The following SNX29 variants were observed in gnomAD, a reference collection of about 807,000 sequenced individuals.
SNX29 encodes the protein sorting nexin 29.
A neutral mutation model predicts 102.1 loss-of-function variants in SNX29; 78 were observed. The ratio of observed to expected loss-of-function variants is 0.76; its 90% CI spans 0.64 to 0.92. SNX29 has a LOEUF of 0.92. Ranked by LOEUF, SNX29 falls within the 40% of genes least tolerant of loss-of-function variation. The pLI is 0.00. For missense variants in SNX29, 1,280 were observed against 1,061.7 expected, an observed-to-expected ratio of 1.21 and a Z score of -2.86; for synonymous variants, 580 against 414.5, an observed-to-expected ratio of 1.40 and a Z score of -4.85.
At chr16:12,235,274 G>A (rs779184726) in intron 14 of SNX29, among the ~76,000 whole-genome samples, 2 of 152,016 alleles carry the variant, frequency 1.3e-5, no homozygotes, top group Non-Finnish European at 2.9e-5. Flanking sequence ...CTTCACCAAC[G>A]TGCCCCAGAG....
At chr16:12,456,755 A>G (rs1313412847) in intron 18 of SNX29, among the ~76,000 whole-genome samples, 1 of 152,042 alleles carries the variant, frequency 6.6e-6, no homozygotes, top group Non-Finnish European at 1.5e-5. Flanking sequence ...GATGTGTGAA[A>G]TTGCCTCCTT....
chr16:12,190,697 G>GT (rs2076620180), intron 13 of SNX29, among the ~76,000 whole-genome samples: 1 of 152,198 alleles, frequency 6.6e-6, no homozygotes, highest in African/African-American at 2.4e-5. Flanking sequence ...AAATCCCAGA[G>GT]TGGAGGTCTG....
intron 15 of SNX29, among the ~76,000 whole-genome samples, chr16:12,306,235 C>G (rs763386702): frequency 6.6e-5 from 10 of 152,074 alleles, no homozygotes; most frequent in Non-Finnish European, 1.2e-4. Flanking sequence ...AGAGTTGCAT[C>G]GAAATTCTGT....
intron 14 of SNX29, among the ~76,000 whole-genome samples, chr16:12,207,109 C>T (rs1421872296): frequency 6.6e-6 from 1 of 152,100 alleles, no homozygotes; most frequent in Non-Finnish European, 1.5e-5. Context: ...TTGCTCACGC[C>T]TGTAATCCCA....
At chr16:12,521,416 C>A (rs2090096282) in intron 19 of SNX29, among the ~76,000 whole-genome samples, 1 of 151,850 alleles carries the variant, frequency 6.6e-6, no homozygotes, top group African/African-American at 2.4e-5. Context: ...GTGAGAGAGG[C>A]AGATTAGACT....
At chr16:12,289,750 A>G (rs1290899441) in intron 15 of SNX29, among the ~76,000 whole-genome samples, 2 of 152,020 alleles carry the variant, frequency 1.3e-5, no homozygotes, top group Non-Finnish European at 2.9e-5. Context: ...GACCCACACT[A>G]TTTTGGGCCT....
chr16:11,980,640 G>C (rs2055394055), intron 1 of SNX29, among the ~76,000 whole-genome samples: 1 of 152,140 alleles, frequency 6.6e-6, no homozygotes, highest in African/African-American at 2.4e-5. Context: ...CAGCATATGA[G>C]GGTTCTGTTT....
chr16:12,170,120 G>A (rs2076111354), intron 13 of SNX29, among the ~76,000 whole-genome samples: 1 of 152,012 alleles, frequency 6.6e-6, no homozygotes, highest in South Asian at 2.1e-4. Flanking sequence ...TCCCTTCCCC[G>A]TTATGAGAAC....
At chr16:12,003,105 G>A (rs1305181257) in intron 3 of SNX29, 62 bp downstream of exon 3, 14 of 1,597,082 alleles carry the variant, frequency 8.8e-6, no homozygotes, top group East Asian at 2.2e-5. Flanking sequence ...GAAGGTGGCC[G>A]GCTTCTAAAA....
At chr16:12,069,417 C>T (rs145771038) in intron 10 of SNX29, among the ~76,000 whole-genome samples, 1 of 152,136 alleles carries the variant, frequency 6.6e-6, no homozygotes, top group African/African-American at 2.4e-5. Context: ...AGGCACACAC[C>T]ACCATGCCTA....
chr16:12,161,695 A>G (rs1399282219), intron 13 of SNX29, among the ~76,000 whole-genome samples: 1 of 152,112 alleles, frequency 6.6e-6, no homozygotes, highest in Admixed American at 6.5e-5. Context: ...CTTGGTCATG[A>G]GTGAGTTCTT....
At chr16:12,332,031 G>A (rs114305330) in intron 15 of SNX29, among the ~76,000 whole-genome samples, 3 of 152,070 alleles carry the variant, frequency 2.0e-5, no homozygotes, top group South Asian at 2.1e-4. Flanking sequence ...CTGCACTGGA[G>A]CCTGGGTGAC....
At chr16:12,457,612 T>C (rs1324470579) in intron 18 of SNX29, among the ~76,000 whole-genome samples, 1 of 152,166 alleles carries the variant, frequency 6.6e-6, no homozygotes, top group Non-Finnish European at 1.5e-5. Context: ...TCACTCTGGG[T>C]CTTTGGGCAA....
At chr16:12,060,800 C>A (rs115978071) in intron 8 of SNX29, 3 of 456,266 alleles carry the variant, frequency 6.6e-6, no homozygotes, top group Non-Finnish European at 1.3e-5. Flanking sequence ...CACTGCCTGG[C>A]GTTTCGAAGA....
At chr16:12,207,181 C>A (rs1021913628) in intron 14 of SNX29, among the ~76,000 whole-genome samples, 1 of 151,986 alleles carries the variant, frequency 6.6e-6, no homozygotes, top group Non-Finnish European at 1.5e-5. Flanking sequence ...CCAGCCAGAC[C>A]AACATGGTGA....
Position 12,126,498 on chromosome 16 carries a change from A to G in SNX29, c.1403-135A>G, listed in dbSNP as rs555627409. Reference sequence around the variant, plus strand: ...TCAGCCGAGTCTCTTAGACTGTTATAGGAGTTATTTTTGAAAGGGAAAAGG... The same window carrying G: ...TCAGCCGAGTCTCTTAGACTGTTATGGGAGTTATTTTTGAAAGGGAAAAGG... On this transcript the variant is annotated intron_variant, in intron 11 of 20. Coordinates refer to ENST00000566228, the MANE Select transcript of SNX29 (RefSeq NM_032167.5). 3.5e-6 allele frequency: 3 copies of G among 848,542 alleles called. No individual in the cohort carries two copies. In the South Asian group the frequency reaches 5.0e-5, roughly 14 times the overall value. The allele number at this position is 848,542 out of a possible 1,614,324, so 52.6% of individuals were successfully genotyped here. A position where few individuals can be genotyped will look rare whatever the true frequency, so the allele number is the denominator to read the frequency against.
intron 19 of SNX29, among the ~76,000 whole-genome samples, chr16:12,513,484 C>G (rs934586770): frequency 3.9e-5 from 6 of 151,970 alleles, no homozygotes; most frequent in African/African-American, 1.5e-4. Context: ...CGTACCCTTG[C>G]AAAACACCTT....
intron 14 of SNX29, among the ~76,000 whole-genome samples, chr16:12,241,439 T>C (rs1324087245): frequency 1.3e-5 from 2 of 152,144 alleles, no homozygotes; most frequent in African/African-American, 4.8e-5. Context: ...TGTGTTGGTC[T>C]GTCTGTATTT....
At chr16:12,337,648 C>T (rs980493013) in intron 15 of SNX29, among the ~76,000 whole-genome samples, 1 of 152,168 alleles carries the variant, frequency 6.6e-6, no homozygotes, top group Non-Finnish European at 1.5e-5. Flanking sequence ...AGTCACATAT[C>T]TCACTTTGAA....
Sources: allele counts gnomAD v4.1 joint callset (sites outside exome capture counted in the v4.1 genomes callset), GRCh38; gene constraint gnomAD v4.1.1; transcripts MANE v1.5; gene names NCBI Gene and HGNC (gene_info 2026-07-23, HGNC 2026-07-21).